ANKRD28: variants seen among roughly 807,000 people sequenced by gnomAD.
The protein encoded by ANKRD28 is serine/threonine-protein phosphatase 6 regulatory ankyrin repeat subunit A.
A neutral mutation model predicts 126.5 loss-of-function variants in ANKRD28; 44 were observed. The ratio of observed to expected loss-of-function variants is 0.35; its 90% CI spans 0.27 to 0.45. ANKRD28 has a LOEUF of 0.45. ANKRD28 is among the 20% of genes least tolerant of loss of function. The pLI is 1.00. For synonymous variants in ANKRD28, 442 were observed against 468.5 expected (o/e 0.94, Z 0.73); for missense variants, 1,110 against 1,316.6 (o/e 0.84, Z 2.43).
chr3:15,686,372 C>T (rs2068131136), intron 18 of ANKRD28, 63 bp from the exon 19 acceptor site: 2 of 1,287,420 alleles, frequency 1.6e-6, no homozygotes, highest in South Asian at 2.6e-5. Context: ...AAATGTCCAT[C>T]TAAAAGCACA....
In ANKRD28 at chr3:15,779,635, C is replaced by T. The variant is rs114894180; in HGVS notation, c.202-13323G>A. Among the ~76,000 whole-genome samples the T allele has an allele frequency of 5.9e-3, 902 of 152,238 alleles. 6 individuals carry two copies. Among genetic ancestry groups the T allele is most frequent in the African/African-American group, 0.021 (854 of 41,540 alleles). ...GGCCTTAGTTTTGCCTCATCTGTAA[C>T]GGAGTTGATTTAACTACTTAATCTT... is the stretch of plus-strand genomic sequence containing the variant. On this transcript the variant is annotated intron_variant, in intron 2 of 27. Transcript: ENST00000683139.
chr3:15,736,979 G>A, intron 5 of ANKRD28, 54 bp downstream of exon 5: 1 of 1,557,008 alleles, frequency 6.4e-7, no homozygotes, highest in Non-Finnish European at 8.8e-7. Context: ...TCTTTAATAA[G>A]TGGGGGGTGG....
chr3:15,844,088 G>A (rs1365939835), intron 1 of ANKRD28, among the ~76,000 whole-genome samples: 1 of 152,168 alleles, frequency 6.6e-6, no homozygotes, highest in East Asian at 1.9e-4. Flanking sequence ...AAGTGAGCTG[G>A]GAGACCCTCA....
intron 5 of ANKRD28, among the ~76,000 whole-genome samples, chr3:15,736,259 T>C (rs1474644886): frequency 1.7e-4 from 26 of 152,224 alleles, no homozygotes; most frequent in Admixed American, 1.7e-3. Context: ...TTACTGTGCC[T>C]TAATTATAAA....
intron 13 of ANKRD28, among the ~76,000 whole-genome samples, chr3:15,709,184 G>A (rs559184190): frequency 6.6e-6 from 1 of 152,220 alleles, no homozygotes; most frequent in South Asian, 2.1e-4. Context: ...GTGTGTGAGA[G>A]ATTTATATAG....
At chr3:15,741,886 G>A (rs1386591489) in intron 4 of ANKRD28, among the ~76,000 whole-genome samples, 2 of 151,498 alleles carry the variant, frequency 1.3e-5, no homozygotes, top group African/African-American at 2.4e-5. Flanking sequence ...GCAGGCGCGC[G>A]CCACCACGCC....
upstream of ANKRD28, among the ~76,000 whole-genome samples, chr3:15,802,514 G>A (rs748031747): frequency 1.3e-4 from 20 of 152,124 alleles, no homozygotes; most frequent in Non-Finnish European, 2.6e-4. Flanking sequence ...TATATCCTTC[G>A]AGCCCTGTTC....
At chr3:15,721,250 T>A in intron 7 of ANKRD28, 123 bp from the exon 8 acceptor site, 1 of 793,328 alleles carries the variant, frequency 1.3e-6, no homozygotes, top group Non-Finnish European at 2.1e-6. Flanking sequence ...ACAAGATAAG[T>A]ACAGAGATAA....
intron 1 of ANKRD28, among the ~76,000 whole-genome samples, chr3:15,856,389 T>C (rs562625387): frequency 6.6e-6 from 1 of 152,336 alleles, no homozygotes; most frequent in Non-Finnish European, 1.5e-5. Context: ...ACAATGATCT[T>C]CTACCCTTCT....
intron 1 of ANKRD28, among the ~76,000 whole-genome samples, chr3:15,844,547 G>C (rs553220770): frequency 1.3e-5 from 2 of 152,244 alleles, no homozygotes; most frequent in South Asian, 4.1e-4. Context: ...TTTTGTAATG[G>C]ATCTGGAAGG....
Position 15,669,851 on chromosome 3 carries a change from C to A in ANKRD28, c.*419G>T. 1 of 155,502 alleles carries A rather than the reference C, an allele frequency of 6.4e-6. No homozygotes were observed. The highest frequency in any genetic ancestry group is 1.4e-5 in the Non-Finnish European group (1 of 69,940). The allele number at this position is 155,502 out of a possible 1,614,324, so 9.6% of individuals were successfully genotyped here. On this transcript the variant is annotated 3_prime_UTR_variant, in exon 28 of 28. Coordinates refer to ENST00000683139, the MANE Select transcript of ANKRD28 (RefSeq NM_001349278.2). ...TTTGGTCCTTTTGCAATTTGCTGTG[C>A]ACATAATGCCTACTGTACCAAACTT...
upstream of ANKRD28, among the ~76,000 whole-genome samples, chr3:15,801,659 G>A (rs1245377665): frequency 6.6e-6 from 1 of 152,184 alleles, no homozygotes; most frequent in Non-Finnish European, 1.5e-5. The surrounding 1 kb of genome is among the most constrained non-coding windows in gnomAD (Gnocchi z 4.9). Context: ...AAATGAGGTA[G>A]AGGGTGAGTG....
intron 3 of ANKRD28, among the ~76,000 whole-genome samples, chr3:15,753,868 C>A (rs183824858): frequency 1.3e-5 from 2 of 151,986 alleles, no homozygotes; most frequent in Admixed American, 6.6e-5. Flanking sequence ...CACTTGAACC[C>A]GGGAGGAAGA....
At chr3:15,804,699 A>C (rs1394571881) in intron 1 of ANKRD28, among the ~76,000 whole-genome samples, 1 of 145,420 alleles carries the variant, frequency 6.9e-6, no homozygotes, top group African/African-American at 2.6e-5. Flanking sequence ...GTTACAGCCA[A>C]GTGGAGGTGG....
At chr3:15,761,431 C>T (rs1356535042) in intron 3 of ANKRD28, among the ~76,000 whole-genome samples, 2 of 152,060 alleles carry the variant, frequency 1.3e-5, no homozygotes, top group Non-Finnish European at 2.9e-5. Context: ...TAATTTATAA[C>T]TCAACTTACC....
chr3:15,724,654 T>G (rs761983490), intron 6 of ANKRD28, 130 bp from the exon 7 acceptor site: 1 of 875,556 alleles, frequency 1.1e-6, no homozygotes, highest in Non-Finnish European at 1.7e-6. Flanking sequence ...CAATGAATCA[T>G]GTTAACTTGA....
chr3:15,693,130 A>G lies in ANKRD28; in HGVS notation c.1761+1609T>C, dbSNP rs1373263894. ...AAACAGGGAGATGTTTAATGGGTAC[A>G]GAGTTTTAGTTTTAACCTTTACAAG... On this transcript the variant is annotated intron_variant, in intron 17 of 27. Coordinates refer to ENST00000683139, the MANE Select transcript of ANKRD28 (RefSeq NM_001349278.2). Among the ~76,000 whole-genome samples the G allele has an allele frequency of 2.6e-5, 4 of 152,212 alleles. No homozygotes were observed. The East Asian group carries it at 7.7e-4, about 29-fold the overall frequency.
chr3:15,696,531 A>G (rs1274103794), intron 14 of ANKRD28, among the ~76,000 whole-genome samples: 1 of 152,066 alleles, frequency 6.6e-6, no homozygotes, highest in Non-Finnish European at 1.5e-5. Flanking sequence ...CACAGTCTCT[A>G]TCTATACCAC....
chr3:15,686,761 G>C (rs969052140), intron 18 of ANKRD28, among the ~76,000 whole-genome samples: 2 of 152,078 alleles, frequency 1.3e-5, no homozygotes, highest in Non-Finnish European at 2.9e-5. Flanking sequence ...GAGGCTGCTG[G>C]GAAATACTTT....
Sources: gnomAD v4.1 joint callset for allele counts (sites outside exome capture counted in the v4.1 genomes callset) on GRCh38, gnomAD v4.1.1 for gene constraint, Gnocchi (gnomAD v3.1) non-coding constraint, MANE v1.5 for transcripts, NCBI Gene and HGNC (gene_info 2026-07-23, HGNC 2026-07-21) for gene names.